Variants in PREX2 observed in about 807,000 individuals in gnomAD.
The protein encoded by PREX2 is phosphatidylinositol 3,4,5-trisphosphate-dependent Rac exchanger 2 protein.
Under a neutral mutation model 203.2 loss-of-function variants are expected in PREX2, and 107 were observed. The observed-to-expected ratio is 0.53, with a 90% confidence interval of 0.45 to 0.62. The LOEUF (loss-of-function observed/expected upper bound fraction) is 0.62, where lower values mean the gene tolerates loss of function less well. Among genes scored for constraint, PREX2 ranks in the 20% least tolerant of loss-of-function variants. The pLI is 0.00. For synonymous variants in PREX2, 672 were observed against 663.6 expected, an observed-to-expected ratio of 1.01 and a Z score of -0.19; for missense variants, 1,777 against 1,955.9, an observed-to-expected ratio of 0.91 and a Z score of 1.72.
Position 68,131,935 on chromosome 8 carries a change from C to T in PREX2, c.3767-2124C>T, listed in dbSNP as rs550325756. 5.9e-5 allele frequency among the ~76,000 whole-genome samples: 9 copies of T among 152,198 alleles called. No individual in the cohort carries two copies. In the East Asian group the frequency reaches 1.7e-3, roughly 29 times the overall value. On this transcript the variant is annotated intron_variant, in intron 31 of 39. Coordinates refer to ENST00000288368, the MANE Select transcript of PREX2 (RefSeq NM_024870.4). ...ATCTACTGAAGTATTTTTAAAAATT[C>T]ACCCAGATTTTCTGCTTCACTATAG... is the stretch of plus-strand genomic sequence containing the variant.
At chr8:68,102,744 T>C (rs1810298667) in intron 23 of PREX2, 1 of 456,710 alleles carries the variant, frequency 2.2e-6, no homozygotes, top group Non-Finnish European at 4.3e-6. Flanking sequence ...GTTTTAAAAA[T>C]AGAAACCAGT....
intron 32 of PREX2, among the ~76,000 whole-genome samples, chr8:68,137,953 A>C (rs1476267027): frequency 6.6e-6 from 1 of 152,234 alleles, no homozygotes; most frequent in African/African-American, 2.4e-5. Context: ...CACAGTTACT[A>C]AATATAGCAA....
intron 4 of PREX2, 86 bp downstream of exon 4, chr8:68,022,226 A>AAAT (rs1807590515): frequency 1.4e-6 from 1 of 722,846 alleles, no homozygotes; most frequent in Admixed American, 2.0e-5. Flanking sequence ...TATGGAGTAA[A>AAAT]AATCTGTGGG....
chr8:68,100,037 A>G, intron 23 of PREX2, 194 bp downstream of exon 23: 1 of 711,182 alleles, frequency 1.4e-6, no homozygotes. Flanking sequence ...GCAAACTTGT[A>G]AGTTATGTTA....
At chr8:68,220,574 G>A (rs955876418) in intron 38 of PREX2, among the ~76,000 whole-genome samples, 1 of 151,990 alleles carries the variant, frequency 6.6e-6, no homozygotes, top group Non-Finnish European at 1.5e-5. Context: ...ATCTCATGGT[G>A]GACACATCCA....
chr8:68,176,890 G>C (rs1488440826), intron 35 of PREX2: 1 of 151,958 alleles, frequency 6.6e-6, no homozygotes, highest in Non-Finnish European at 1.5e-5. Flanking sequence ...TTTGCACGCA[G>C]ACATGTTCCT....
At chr8:68,017,105 A>G (rs1389014287) in intron 1 of PREX2, among the ~76,000 whole-genome samples, 1 of 152,174 alleles carries the variant, frequency 6.6e-6, no homozygotes, top group African/African-American at 2.4e-5. Context: ...GCTCAATATA[A>G]TGAAATTATT....
chr8:68,121,007 A>C lies in PREX2; in HGVS notation c.3682A>C (p.Ser1228Arg). ...IKQDPWNLPS[S>R]VRTLAQNIRK... ...GCAAGATCCTTGGAATCTTCCCAGC[A>C]GCGTCCGGACTCTTGCTCAGAACAT... Residue 1228 changes from serine (S) to arginine (R), a missense_variant, in exon 30 of 40, where the codon AGC (serine) becomes CGC (arginine). Physicochemically the swap from Ser to Arg is moderately radical, Grantham distance 110. Coordinates refer to ENST00000288368, the MANE Select transcript of PREX2 (RefSeq NM_024870.4). 4 of 1,613,862 alleles carry C rather than the reference A, an allele frequency of 2.5e-6. No individual in the cohort carries two copies. Among genetic ancestry groups the C allele is most frequent in the Non-Finnish European group, 3.4e-6 (4 of 1,179,782 alleles).
intron 32 of PREX2, among the ~76,000 whole-genome samples, chr8:68,137,668 T>C (rs1478416092): frequency 6.6e-6 from 1 of 152,186 alleles, no homozygotes. Context: ...AAAGACCCTG[T>C]AAATAATGCA....
intron 37 of PREX2, 95 bp downstream of exon 37, chr8:68,192,620 A>G: frequency 1.1e-6 from 1 of 932,894 alleles, no homozygotes; most frequent in Non-Finnish European, 1.6e-6. Flanking sequence ...TTAAAACTGG[A>G]AACATTCAAA....
chr8:67,985,243 T>G (rs1806383119), intron 1 of PREX2, among the ~76,000 whole-genome samples: 1 of 152,188 alleles, frequency 6.6e-6, no homozygotes, highest in East Asian at 1.9e-4. Flanking sequence ...CCAACCTAAT[T>G]AACAGATTTC....
chr8:68,000,900 C>T lies in PREX2; in HGVS notation c.142-16946C>T, dbSNP rs147982645. Among the ~76,000 whole-genome samples, 89 of 152,238 alleles carry T rather than the reference C, an allele frequency of 5.8e-4. No individual in the cohort carries two copies. The East Asian group carries it at 0.017, about 29-fold the overall frequency. ...GCTAGGATAACTGGCTAGCCATCTG[C>T]AGAAGATTGAAACTAGATCCCTTCC... On this transcript the variant is annotated intron_variant, in intron 1 of 39. Coordinates refer to ENST00000288368, the MANE Select transcript of PREX2 (RefSeq NM_024870.4).
chr8:68,104,959 C>T (rs1328625519), intron 23 of PREX2, among the ~76,000 whole-genome samples: 1 of 152,074 alleles, frequency 6.6e-6, no homozygotes, highest in Non-Finnish European at 1.5e-5. Flanking sequence ...GGGATAAGAC[C>T]TTTTTGTTTT....
At chr8:68,135,860 T>G (rs762229311) in intron 32 of PREX2, among the ~76,000 whole-genome samples, 3 of 152,130 alleles carry the variant, frequency 2.0e-5, no homozygotes, top group Non-Finnish European at 4.4e-5. Flanking sequence ...AAACAAAATG[T>G]GATGTGTCCA....
At chr8:68,143,754 G>A (rs555391610) in intron 33 of PREX2, among the ~76,000 whole-genome samples, 1 of 152,200 alleles carries the variant, frequency 6.6e-6, no homozygotes, top group African/African-American at 2.4e-5. Context: ...CTTTCTGAAA[G>A]TCATCAGTAT....
chr8:68,179,520 A>G (rs992205939), intron 35 of PREX2, among the ~76,000 whole-genome samples: 3 of 152,166 alleles, frequency 2.0e-5, no homozygotes, highest in African/African-American at 4.8e-5. Flanking sequence ...GGGTCACCCT[A>G]TAGTAGAAAA....
In PREX2 at chr8:68,057,135, C is replaced by T. The variant is rs532193716; in HGVS notation, c.1238+1161C>T. Among the ~76,000 whole-genome samples, 3 of 152,182 alleles carry T rather than the reference C, an allele frequency of 2.0e-5. No homozygotes were observed. The South Asian group carries it at 6.2e-4, about 32-fold the overall frequency. On this transcript the variant is annotated intron_variant, in intron 10 of 39. Coordinates refer to ENST00000288368, the MANE Select transcript of PREX2 (RefSeq NM_024870.4). ...TGGGGGTGGCTTCCACCTTGCTGGTCTCATGATGGTGAGTGAATTCTCATG... is the reference window on the plus strand; with the variant it reads ...TGGGGGTGGCTTCCACCTTGCTGGTTTCATGATGGTGAGTGAATTCTCATG...
chr8:68,134,020 C>T (rs1336398177), intron 31 of PREX2, 39 bp from the exon 32 acceptor site: 1 of 1,549,122 alleles, frequency 6.5e-7, no homozygotes. Context: ...CCATCTGCAA[C>T]ATTTTTCGAA....
chr8:68,228,910 C>G lies in PREX2; in HGVS notation c.4776-2423C>G, dbSNP rs549217823. On this transcript the variant is annotated intron_variant, in intron 39 of 39. Transcript: ENST00000288368. ...TGAGCTATGGTTGTACCACTGCACT[C>G]CAGCCTGGGAGACAGAGTGAGACCT... 6.8e-5 allele frequency among the ~76,000 whole-genome samples: 10 copies of G among 146,658 alleles called. No individual in the cohort carries two copies. The South Asian group carries it at 2.2e-3, about 32-fold the overall frequency.
Sources: gnomAD v4.1 joint callset for allele counts (sites outside exome capture counted in the v4.1 genomes callset) on GRCh38, gnomAD v4.1.1 for gene constraint, MANE v1.5 for transcripts, NCBI Gene and HGNC (gene_info 2026-07-23, HGNC 2026-07-21) for gene names.